The following MFSD11 variants were observed in gnomAD, a reference collection of about 807,000 sequenced individuals.
The protein encoded by MFSD11 is UNC93-like protein MFSD11.
MFSD11 carries 36 observed loss-of-function variants against 53.5 expected under a neutral mutation model. The observed-to-expected ratio is 0.67, with a 90% confidence interval of 0.52 to 0.89. MFSD11 has a LOEUF of 0.89. MFSD11 is among the 40% of genes least tolerant of loss of function. The pLI, the probability that MFSD11 is intolerant of heterozygous loss-of-function variation, is 0.00. For synonymous variants in MFSD11, 186 were observed against 184.9 expected (o/e 1.01, Z -0.05); for missense variants, 530 against 543.9 (o/e 0.97, Z 0.25).
intron 12 of MFSD11, among the ~76,000 whole-genome samples, chr17:76,777,904 C>G (rs2081989404): frequency 6.6e-6 from 1 of 152,082 alleles, no homozygotes; most frequent in African/African-American, 2.4e-5. Flanking sequence ...GTCTTGAACT[C>G]CTGGGCTCAA....
At chr17:76,789,188 C>G in the MFSD11 span, among the ~76,000 whole-genome samples, 136 of 149,926 alleles carry the variant, frequency 9.1e-4, 5 homozygotes, top group African/African-American at 3.2e-3. Flanking sequence ...TGAAAGGAAG[C>G]AAAGTACACT....
rs140377264 is a variant in MFSD11, at chr17:76,763,516, A to G, written c.683-3870A>G. Among the ~76,000 whole-genome samples the G allele has an allele frequency of 1.2e-3, 176 of 152,140 alleles. 2 individuals are homozygous for G. The East Asian group carries it at 0.024, about 20-fold the overall frequency. ...TGATCTCAAGTGATCCACCCGCCTC[A>G]GCCTCCCAAAGTGCTGGGATTACAG... On this transcript the variant is annotated intron_variant, in intron 8 of 12. Transcript: ENST00000685175.
chr17:76,742,248 A>G lies in MFSD11; in HGVS notation c.412A>G (p.Ile138Val), dbSNP rs776460513. Reference protein sequence around the residue: ...DEHSIGRNSGIFWALLQSSLF... With the variant: ...DEHSIGRNSGVFWALLQSSLF... ...GCACAGCATTGGGAGAAACAGTGGG[A>G]TTTTCTGGGCACTTCTGCAGTCTAG... is the stretch of plus-strand genomic sequence containing the variant. Residue 138 changes from isoleucine to valine, a missense_variant, in exon 5 of 13, where the codon ATT becomes GTT. Transcript: ENST00000685175. 1.2e-6 allele frequency: 2 copies of G among 1,614,030 alleles called. No homozygotes were observed. The highest frequency in any genetic ancestry group is 2.2e-5 in the South Asian group (2 of 91,078).
downstream of MFSD11, among the ~76,000 whole-genome samples, chr17:76,781,988 ATTT>A (rs57536397): frequency 7.3e-6 from 1 of 137,388 alleles, no homozygotes; most frequent in Non-Finnish European, 1.6e-5. Context: ...TGCCTGGATA[ATTT>A]TTTTTTTTTT....
chr17:76,757,978 C>A (rs983805434), intron 8 of MFSD11, among the ~76,000 whole-genome samples: 5 of 152,072 alleles, frequency 3.3e-5, no homozygotes, highest in Non-Finnish European at 5.9e-5. Flanking sequence ...CCACTGTACT[C>A]CAGCCTGGGT....
chr17:76,795,457 C>G, the MFSD11 span, among the ~76,000 whole-genome samples: 1 of 151,794 alleles, frequency 6.6e-6, no homozygotes, highest in Non-Finnish European at 1.5e-5. Flanking sequence ...CCACTGTACT[C>G]CAGCCTGGGT....
upstream of MFSD11, chr17:76,737,998 A>C: frequency 1.7e-5 from 5 of 301,602 alleles, no homozygotes; most frequent in Non-Finnish European, 6.1e-6. Flanking sequence ...GCCTGGCCGC[A>C]GTGAGTCAGG....
intron 7 of MFSD11, among the ~76,000 whole-genome samples, chr17:76,748,743 T>C (rs188697323): frequency 1.3e-3 from 194 of 152,254 alleles, no homozygotes; most frequent in African/African-American, 4.5e-3. Flanking sequence ...TGAGGACTTA[T>C]TAGCTGGGTG....
intron 7 of MFSD11, among the ~76,000 whole-genome samples, chr17:76,745,096 C>T (rs544475777): frequency 3.9e-4 from 59 of 152,328 alleles, no homozygotes; most frequent in African/African-American, 1.4e-3. Flanking sequence ...TAGTGATCTG[C>T]AGTATCATTT....
chr17:76,739,083 A>C, intron 2 of MFSD11, 90 bp downstream of exon 2: 1 of 1,001,018 alleles, frequency 1.0e-6, no homozygotes, highest in Non-Finnish European at 1.6e-6. Context: ...ATTGTGATTG[A>C]ATAAGTGGTG....
chr17:76,742,836 C>CTA (rs1486690429), intron 5 of MFSD11, among the ~76,000 whole-genome samples: 2 of 152,094 alleles, frequency 1.3e-5, no homozygotes, highest in Non-Finnish European at 2.9e-5. Flanking sequence ...AGCAAAACAG[C>CTA]TATTCTGCTC....
Position 76,741,894 on chromosome 17 carries a change from G to A in MFSD11, c.261-75G>A, listed in dbSNP as rs906542468. On this transcript the variant is annotated intron_variant, in intron 3 of 12. Transcript: ENST00000685175. ...TTTAAAAGAAGAGAATGTCAGAACT[G>A]ATTCCTAGAAGGCATAATTGGCATT... The A allele has an allele frequency of 4.4e-6, 7 of 1,607,836 alleles. No individual in the cohort carries two copies. The African/African-American group carries it at 9.4e-5, about 22-fold the overall frequency.
At chr17:76,765,886 A>T (rs1415235054) in intron 8 of MFSD11, among the ~76,000 whole-genome samples, 1 of 151,742 alleles carries the variant, frequency 6.6e-6, no homozygotes, top group East Asian at 1.9e-4. Flanking sequence ...CCTATACCAC[A>T]TGTATGGAAC....
upstream of MFSD11, chr17:76,737,260 G>A: frequency 1.4e-6 from 2 of 1,430,284 alleles, no homozygotes; most frequent in Non-Finnish European, 1.9e-6. Flanking sequence ...TTCCGCGTGG[G>A]GACACTGGGA....
chr17:76,759,460 T>G (rs1399131693), intron 8 of MFSD11, among the ~76,000 whole-genome samples: 2 of 151,566 alleles, frequency 1.3e-5, no homozygotes, highest in African/African-American at 4.9e-5. Flanking sequence ...ATTTTTTGTA[T>G]TTTTCTTTTT....
At chr17:76,750,834 C>G (rs1480973574) in intron 7 of MFSD11, among the ~76,000 whole-genome samples, 1 of 148,172 alleles carries the variant, frequency 6.7e-6, no homozygotes, top group Non-Finnish European at 1.5e-5. Context: ...TACGGAGTCT[C>G]GCTCTCTCAC....
chr17:76,787,286 C>CAT, the MFSD11 span, among the ~76,000 whole-genome samples: 5 of 132,964 alleles, frequency 3.8e-5, no homozygotes, highest in Non-Finnish European at 3.4e-5. Context: ...CAGGCGCCCG[C>CAT]CACCACGCCC....
At chr17:76,743,560 C>A in intron 6 of MFSD11, 104 bp downstream of exon 6, 1 of 629,424 alleles carries the variant, frequency 1.6e-6, no homozygotes. Flanking sequence ...CTCATGAACC[C>A]CGACACCTCA....
chr17:76,759,373 C>A (rs2079971855), intron 8 of MFSD11, among the ~76,000 whole-genome samples: 1 of 152,030 alleles, frequency 6.6e-6, no homozygotes, highest in Admixed American at 6.6e-5. Context: ...ATCTCCGCCT[C>A]CTGGGTTCAA....
Sources: gnomAD v4.1 joint callset for allele counts (sites outside exome capture counted in the v4.1 genomes callset) on GRCh38, gnomAD v4.1.1 for gene constraint, MANE v1.5 for transcripts, NCBI Gene and HGNC (gene_info 2026-07-23, HGNC 2026-07-21) for gene names.